Variants in PLD5 observed in about 807,000 individuals in gnomAD.
PLD5 encodes inactive phospholipase D5.
In PLD5, 36 loss-of-function variants were observed where a neutral mutation model predicts 61.1. The ratio of observed to expected loss-of-function variants is 0.59; its 90% CI spans 0.45 to 0.78. PLD5 has a LOEUF of 0.78. Among genes scored for constraint, PLD5 ranks in the 30% least tolerant of loss-of-function variants. The pLI is 0.00. For missense variants in PLD5, 515 were observed against 644.4 expected, an observed-to-expected ratio of 0.80 and a Z score of 2.17; for synonymous variants, 243 against 242.8, an observed-to-expected ratio of 1.00 and a Z score of -0.01.
At chr1:242,379,147 C>T (rs75306418) in intron 1 of PLD5, among the ~76,000 whole-genome samples, 10,382 of 152,188 alleles carry the variant, frequency 0.068, 434 homozygotes, top group Admixed American at 0.099. Context: ...CATGGAGTAA[C>T]GAGGCTTCCA....
At chr1:242,358,650 A>T (rs1660891052) in intron 1 of PLD5, among the ~76,000 whole-genome samples, 1 of 151,878 alleles carries the variant, frequency 6.6e-6, no homozygotes, top group Non-Finnish European at 1.5e-5. Flanking sequence ...CTCCAGCTGG[A>T]ATATACTGCT....
chr1:242,349,710 T>C (rs1019238552), intron 1 of PLD5, among the ~76,000 whole-genome samples: 18 of 152,268 alleles, frequency 1.2e-4, no homozygotes, highest in African/African-American at 4.3e-4. Context: ...CCATGATAAC[T>C]GGGAAGGAGC....
At chr1:242,351,220 C>T (rs1156389857) in intron 1 of PLD5, among the ~76,000 whole-genome samples, 1 of 152,044 alleles carries the variant, frequency 6.6e-6, no homozygotes, top group East Asian at 1.9e-4. Context: ...TCTTTCTATC[C>T]TTATTCTTTC....
At chr1:242,407,556 GTTTTGT>G (rs939473041) in intron 1 of PLD5, among the ~76,000 whole-genome samples, 1 of 105,514 alleles carries the variant, frequency 9.5e-6, no homozygotes, top group Non-Finnish European at 1.8e-5. Context: ...TGTTGTGGTT[GTTTTGT>G]TTTTTTTTTT....
chr1:242,258,792 C>T (rs1673224141), intron 4 of PLD5, among the ~76,000 whole-genome samples: 1 of 152,068 alleles, frequency 6.6e-6, no homozygotes, highest in East Asian at 1.9e-4. Flanking sequence ...TACATAGCAC[C>T]GTTGACACTC....
At chr1:242,203,591 G>A (rs1669130098) in intron 5 of PLD5, 1 of 152,332 alleles carries the variant, frequency 6.6e-6, no homozygotes, top group South Asian at 2.1e-4. Flanking sequence ...AGATCTGATT[G>A]TTTAAAAGAG....
chr1:242,191,291 A>G (rs559872139), intron 5 of PLD5, among the ~76,000 whole-genome samples: 1 of 152,310 alleles, frequency 6.6e-6, no homozygotes, highest in Admixed American at 6.5e-5. Flanking sequence ...AGGTATTTAA[A>G]AGAAGGAAAG....
chr1:242,112,308 T>G lies in PLD5; in HGVS notation c.1070+1582A>C, dbSNP rs12131935. On this transcript the variant is annotated intron_variant, in intron 7 of 9. Transcript: ENST00000536534. ...CTGTGTGTGTGTGTGTGTGTGTGTG[T>G]GTGTGTGTGTGTGTGTATGTATGTA... Among the ~76,000 whole-genome samples, 194 of 74,762 alleles carry G rather than the reference T, an allele frequency of 2.6e-3. No individual in the cohort carries two copies. In the East Asian group the frequency reaches 0.044, roughly 17 times the overall value. 49.0% of individuals were successfully genotyped at this position (74,762 alleles called of 152,430 possible).
At chr1:242,127,193 A>G (rs1662860799) in intron 5 of PLD5, among the ~76,000 whole-genome samples, 1 of 152,268 alleles carries the variant, frequency 6.6e-6, no homozygotes, top group South Asian at 2.1e-4. Flanking sequence ...GAACGCTTCT[A>G]CACCGCTGGA....
rs78462552 is a variant in PLD5 at position 242,437,255 on chromosome 1, T to C, written c.189+86833A>G. Among the ~76,000 whole-genome samples, 1,335 of 152,318 alleles carry C rather than the reference T, an allele frequency of 8.8e-3. 24 individuals are homozygous for C. Among genetic ancestry groups the C allele is most frequent in the African/African-American group, 0.029 (1,213 of 41,558 alleles). On this transcript the variant is annotated intron_variant, in intron 1 of 9. Transcript: ENST00000536534. ...AAGTAACTGAGGTGGATCGGTATTA[T>C]ATTGGCATGTCCCACACATGCCTCT...
At chr1:242,193,263 G>A (rs1241066444) in intron 5 of PLD5, among the ~76,000 whole-genome samples, 1 of 151,950 alleles carries the variant, frequency 6.6e-6, no homozygotes, top group Non-Finnish European at 1.5e-5. Context: ...AGTCACTGAA[G>A]ATAACGTAGA....
chr1:242,343,650 G>A (rs10926694), intron 2 of PLD5, among the ~76,000 whole-genome samples: 132,448 of 150,744 alleles, frequency 0.88, 58,682 homozygotes, highest in Non-Finnish European at 0.94. Context: ...AACAACAGTG[G>A]GACCCACTCT....
intron 1 of PLD5, among the ~76,000 whole-genome samples, chr1:242,477,507 A>G (rs1168801311): frequency 2.6e-5 from 4 of 152,210 alleles, no homozygotes; most frequent in African/African-American, 9.7e-5. Context: ...GAAGCACATT[A>G]TGCGCCAATG....
intron 1 of PLD5, among the ~76,000 whole-genome samples, chr1:242,350,270 G>T (rs541610103): frequency 1.9e-4 from 29 of 152,172 alleles, no homozygotes; most frequent in African/African-American, 6.7e-4. Context: ...AGCCCAAAAA[G>T]ACCAAGATAA....
At chr1:242,243,263 G>A (rs1165478134) in intron 4 of PLD5, among the ~76,000 whole-genome samples, 2 of 152,170 alleles carry the variant, frequency 1.3e-5, no homozygotes, top group African/African-American at 4.8e-5. Context: ...AAGAGAGTCC[G>A]GCCAAACTGG....
At position 242,382,135 on chromosome 1, in the gene PLD5, A is replaced by AAAAC. The variant is rs1553363302; in HGVS notation, c.190-33894_190-33893insGTTT. The stretch of plus-strand genomic sequence containing the variant: ...TAGCGGAGACTTTGACAGCAAAAAA[A>AAAAC]AAAACAAAACAAAAAACTGAACATA... On this transcript the variant is annotated intron_variant, in intron 1 of 9. Transcript: ENST00000536534. Among the ~76,000 whole-genome samples the AAAAC allele has an allele frequency of 1.0e-3, 158 of 151,656 alleles. 2 individuals carry two copies. Among genetic ancestry groups the AAAAC allele is most frequent in the African/African-American group, 2.9e-3 (119 of 41,374 alleles).
At chr1:242,328,499 A>G (rs1285655052) in intron 2 of PLD5, among the ~76,000 whole-genome samples, 2 of 152,194 alleles carry the variant, frequency 1.3e-5, no homozygotes, top group Non-Finnish European at 2.9e-5. Context: ...TGTGTTCTAC[A>G]TATGTATGTG....
chr1:242,307,680 G>C (rs1460513852), intron 2 of PLD5, among the ~76,000 whole-genome samples: 1 of 151,976 alleles, frequency 6.6e-6, no homozygotes, highest in South Asian at 2.1e-4. Flanking sequence ...ACCAGCCCTG[G>C]TATGGACTAG....
chr1:242,421,266 G>A lies in PLD5; in HGVS notation c.190-73024C>T, dbSNP rs535672383. On this transcript the variant is annotated intron_variant, in intron 1 of 9. Transcript: ENST00000536534. ...AGACCACATCTTTTTGTTCTTTGCT[G>A]TATCATTCATGCCTAAGCATTTTCT... 6.0e-5 allele frequency among the ~76,000 whole-genome samples: 9 copies of A among 150,242 alleles called. No individual in the cohort carries two copies. The East Asian group carries it at 1.8e-3, about 29-fold the overall frequency.
Sources: gnomAD v4.1 joint callset for allele counts (sites outside exome capture counted in the v4.1 genomes callset) on GRCh38, gnomAD v4.1.1 for gene constraint, MANE v1.5 for transcripts, NCBI Gene and HGNC (gene_info 2026-07-23, HGNC 2026-07-21) for gene names.